Variants in TUBB8 observed in about 807,000 individuals in gnomAD.
TUBB8 encodes the protein tubulin beta 8 class VIII.
A neutral mutation model predicts 33.7 loss-of-function variants in TUBB8; 25 were observed. The observed-to-expected ratio is 0.74, with a 90% CI of 0.54 to 1.04. TUBB8 has a LOEUF of 1.04. TUBB8 is among the 50% of genes least tolerant of loss of function. The probability of loss-of-function intolerance (pLI) is 0.00; values close to 1 mark genes in which losing one functional copy is unlikely to be tolerated. For synonymous variants in TUBB8, 245 were observed against 240.1 expected (o/e 1.02, Z -0.19); for missense variants, 279 against 608.0 (o/e 0.46, Z 5.69).
At position 49,006 on chromosome 10, in the gene TUBB8, C is replaced by A. The variant is rs1193193771; in HGVS notation, c.58-94G>T. 24 of 1,230,966 alleles carry A rather than the reference C, an allele frequency of 1.9e-5. No homozygotes were observed. The Admixed American group carries it at 4.4e-4, about 23-fold the overall frequency. 76.3% of individuals were successfully genotyped at this position (1,230,966 alleles called of 1,614,324 possible). A position where few individuals can be genotyped will look rare whatever the true frequency, so the allele number is the denominator to read the frequency against. On this transcript the variant is annotated intron_variant, in intron 1 of 3. Transcript: ENST00000568584. Reference sequence around the variant, plus strand: ...CCCCACCCTCATCCGCACCCCCATCCCTAGGCCGCCCTGTCCCTGGGGTCC... The same window carrying A: ...CCCCACCCTCATCCGCACCCCCATCACTAGGCCGCCCTGTCCCTGGGGTCC...
At chr10:60,162 C>G (rs1834579826) in intron 1 of TUBB8, among the ~76,000 whole-genome samples, 1 of 151,906 alleles carries the variant, frequency 6.6e-6, no homozygotes, top group Non-Finnish European at 1.5e-5. Context: ...TTTGGTTTGG[C>G]CTTTTTATTC....
At chr10:76,392 T>C (rs1239563198), upstream of TUBB8, among the ~76,000 whole-genome samples, 2 of 151,904 alleles carry the variant, frequency 1.3e-5, no homozygotes, top group African/African-American at 2.4e-5. Flanking sequence ...GAAGTCTGGG[T>C]ACAAATGGCC....
chr10:72,634 C>T (rs1247857537), intron 1 of TUBB8, among the ~76,000 whole-genome samples: 1 of 149,410 alleles, frequency 6.7e-6, no homozygotes, highest in Non-Finnish European at 1.5e-5. Context: ...CGGGTGGCCA[C>T]GAGGTCAGAA....
At chr10:58,941 G>C (rs1223047042) in intron 1 of TUBB8, among the ~76,000 whole-genome samples, 11 of 152,118 alleles carry the variant, frequency 7.2e-5, no homozygotes, top group Non-Finnish European at 1.5e-4. Context: ...GATTGCTCCA[G>C]ACAGGACTTT....
chr10:51,778 G>C (rs1382449947), upstream of TUBB8, among the ~76,000 whole-genome samples: 1 of 152,164 alleles, frequency 6.6e-6, no homozygotes, highest in Non-Finnish European at 1.5e-5. Context: ...CCTTCCCTTG[G>C]TGTGGGGTCA....
chr10:66,471 A>G (rs1209964631), intron 1 of TUBB8, among the ~76,000 whole-genome samples: 3 of 152,180 alleles, frequency 2.0e-5, no homozygotes, highest in Non-Finnish European at 4.4e-5. Context: ...CAACACAGGA[A>G]AACACTCTCT....
chr10:66,324 C>T (rs111618526), intron 1 of TUBB8, among the ~76,000 whole-genome samples: 21,350 of 123,812 alleles, frequency 0.17, no homozygotes, highest in African/African-American at 0.3. Flanking sequence ...TTCCAGACAC[C>T]AGCAACAAAC....
intron 1 of TUBB8, among the ~76,000 whole-genome samples, chr10:66,268 T>G (rs1297399149): frequency 2.0e-5 from 3 of 152,262 alleles, no homozygotes; most frequent in African/African-American, 7.2e-5. Context: ...TTATTAAAAC[T>G]AGTAAACTAC....
upstream of TUBB8, among the ~76,000 whole-genome samples, chr10:75,932 A>G (rs1834807561): frequency 2.0e-5 from 3 of 151,870 alleles, no homozygotes; most frequent in Non-Finnish European, 4.4e-5. Context: ...TGGGGTCAGG[A>G]GTTCGAGACC....
At chr10:76,235 C>T (rs374707343), upstream of TUBB8, among the ~76,000 whole-genome samples, 1 of 152,042 alleles carries the variant, frequency 6.6e-6, no homozygotes, top group Admixed American at 6.6e-5. Flanking sequence ...GCCTCCCGAC[C>T]GACGGCACAA....
chr10:50,655 A>C (rs4567378), upstream of TUBB8, among the ~76,000 whole-genome samples: 40,990 of 151,678 alleles, frequency 0.27, 6,403 homozygotes, highest in Non-Finnish European at 0.36. Flanking sequence ...GTCCCCACCC[A>C]TTCCAAATTG....
At chr10:75,072 GCCATGTTGA>G (rs1834793264), upstream of TUBB8, among the ~76,000 whole-genome samples, 1 of 151,400 alleles carries the variant, frequency 6.6e-6, no homozygotes. Flanking sequence ...ACGGGGTTTT[GCCATGTTGA>G]CCAGGCTGGT....
chr10:65,363 C>T (rs1347525943), intron 1 of TUBB8, among the ~76,000 whole-genome samples: 1 of 152,202 alleles, frequency 6.6e-6, no homozygotes, highest in Non-Finnish European at 1.5e-5. Flanking sequence ...AATACTAAAC[C>T]ACACTAGGAC....
chr10:53,339 G>A (rs1327008560), upstream of TUBB8, among the ~76,000 whole-genome samples: 6 of 152,128 alleles, frequency 3.9e-5, no homozygotes, highest in African/African-American at 1.4e-4. Flanking sequence ...TGTTGGCCGG[G>A]CTGGTCTCAA....
intron 1 of TUBB8, among the ~76,000 whole-genome samples, chr10:69,607 C>T (rs1346220123): frequency 3.9e-5 from 6 of 152,004 alleles, no homozygotes; most frequent in Non-Finnish European, 5.9e-5. Context: ...AGGCAAATGG[C>T]GTAACTAATT....
intron 1 of TUBB8, among the ~76,000 whole-genome samples, chr10:58,231 T>A (rs1222616763): frequency 6.6e-6 from 1 of 152,254 alleles, no homozygotes; most frequent in Non-Finnish European, 1.5e-5. Context: ...ACTGTCCAGA[T>A]CACTATCAGC....
chr10:49,618 A>G, upstream of TUBB8: 1 of 495,730 alleles, frequency 2.0e-6, no homozygotes, highest in South Asian at 1.5e-5. Flanking sequence ...CACCTGTCCT[A>G]GATTGATGAC....
At chr10:48,417 C>T in intron 3 of TUBB8, 198 bp downstream of exon 3, 1 of 657,320 alleles carries the variant, frequency 1.5e-6, no homozygotes, top group South Asian at 1.8e-5. Flanking sequence ...ACATCAGTAA[C>T]TCCTCACCTT....
At chr10:50,522 A>G (rs1350586204), upstream of TUBB8, among the ~76,000 whole-genome samples, 2 of 152,048 alleles carry the variant, frequency 1.3e-5, no homozygotes, top group Non-Finnish European at 2.9e-5. Flanking sequence ...TTCCTTTTAC[A>G]TGGTCAGTCT....
Sources: allele counts gnomAD v4.1 joint callset (sites outside exome capture counted in the v4.1 genomes callset), GRCh38; gene constraint gnomAD v4.1.1; transcripts MANE v1.5; gene names NCBI Gene and HGNC (gene_info 2026-07-23, HGNC 2026-07-21).